The following LRRC37A2 variants were observed in gnomAD, a reference collection of about 807,000 sequenced individuals.
The protein encoded by LRRC37A2 is leucine rich repeat containing 37 member A2.
LRRC37A2 carries 9 observed loss-of-function variants against 68.8 expected under a neutral mutation model. The observed-to-expected ratio is 0.13, with a 90% CI of 0.08 to 0.23. The LOEUF (loss-of-function observed/expected upper bound fraction) is 0.23, where lower values mean the gene tolerates loss of function less well. Among genes scored for constraint, LRRC37A2 ranks in the 10% least tolerant of loss-of-function variants. LRRC37A2 has a pLI of 1.00. For synonymous variants in LRRC37A2, 63 were observed against 367.6 expected, an observed-to-expected ratio of 0.17 and a Z score of 9.48; for missense variants, 168 against 950.4, an observed-to-expected ratio of 0.18 and a Z score of 10.82.
At chr17:46,990,931 A>G in the LRRC37A2 span, among the ~76,000 whole-genome samples, 2 of 152,138 alleles carry the variant, frequency 1.3e-5, no homozygotes, top group South Asian at 2.1e-4. Context: ...TTGGCCTCCC[A>G]AAGTATTGGG....
the LRRC37A2 span, among the ~76,000 whole-genome samples, chr17:46,907,105 C>T: frequency 1.1e-4 from 17 of 152,310 alleles, no homozygotes; most frequent in Middle Eastern, 3.4e-3. Flanking sequence ...ACCGGGAGTA[C>T]GTATCCTAGA....
At chr17:46,938,831 G>A in the LRRC37A2 span, 1 of 1,609,246 alleles carries the variant, frequency 6.2e-7, no homozygotes, top group South Asian at 1.1e-5. Flanking sequence ...AAGAGAGAGG[G>A]GGGCCCAGAG....
the LRRC37A2 span, chr17:46,979,144 G>C: frequency 1.0e-6 from 1 of 957,848 alleles, no homozygotes; most frequent in East Asian, 3.4e-5. Flanking sequence ...GCGGGAGGCT[G>C]GCTGCCTGCG....
At chr17:46,920,639 G>A in the LRRC37A2 span, among the ~76,000 whole-genome samples, 4 of 152,156 alleles carry the variant, frequency 2.6e-5, no homozygotes, top group Non-Finnish European at 5.9e-5. Flanking sequence ...CCCAGTCCCA[G>A]CTCAAATGCC....
At chr17:46,944,114 A>G in the LRRC37A2 span, among the ~76,000 whole-genome samples, 2 of 152,104 alleles carry the variant, frequency 1.3e-5, no homozygotes, top group Non-Finnish European at 2.9e-5. Context: ...AAGTATTCCA[A>G]CCTCCTCAGA....
At chr17:46,489,780 G>C in the LRRC37A2 span, among the ~76,000 whole-genome samples, 1 of 150,074 alleles carries the variant, frequency 6.7e-6, no homozygotes, top group Non-Finnish European at 1.5e-5. Context: ...GAGCCACTGC[G>C]CCTGGCCTGT....
At chr17:46,704,853 C>A in the LRRC37A2 span, 1 of 1,596,994 alleles carries the variant, frequency 6.3e-7, no homozygotes, top group Middle Eastern at 1.7e-4. Flanking sequence ...GATATCAAAC[C>A]AGTGAGTATG....
At chr17:46,988,166 G>A in the LRRC37A2 span, among the ~76,000 whole-genome samples, 2 of 152,176 alleles carry the variant, frequency 1.3e-5, no homozygotes, top group African/African-American at 4.8e-5. Context: ...GAGCAAGACT[G>A]TCTCAAAAAA....
chr17:46,893,725 G>A, the LRRC37A2 span, among the ~76,000 whole-genome samples: 13 of 152,140 alleles, frequency 8.5e-5, no homozygotes, highest in Non-Finnish European at 1.9e-4. Context: ...CAAACTGGAA[G>A]GCTCTGGCTT....
chr17:46,828,247 A>C, the LRRC37A2 span, among the ~76,000 whole-genome samples: 306 of 151,746 alleles, frequency 2.0e-3, 1 homozygote, highest in Middle Eastern at 0.024. Context: ...CTCAGACTGG[A>C]GTGCAGCAGC....
At chr17:46,993,248 A>G in the LRRC37A2 span, among the ~76,000 whole-genome samples, 139,634 of 152,298 alleles carry the variant, frequency 0.92, 64,418 homozygotes, top group East Asian at 0.99. Context: ...CAGGTCACTC[A>G]TGTGTGCAGC....
the LRRC37A2 span, among the ~76,000 whole-genome samples, chr17:46,730,207 A>G: frequency 6.6e-6 from 1 of 152,206 alleles, no homozygotes; most frequent in Non-Finnish European, 1.5e-5. Flanking sequence ...ACATCTACAT[A>G]TATTATGCAC....
At chr17:46,894,154 A>G in the LRRC37A2 span, among the ~76,000 whole-genome samples, 4 of 152,340 alleles carry the variant, frequency 2.6e-5, no homozygotes, top group African/African-American at 9.6e-5. Flanking sequence ...TTGCGATGGT[A>G]TAACAAATTC....
chr17:46,697,153 CCAT>C, the LRRC37A2 span, among the ~76,000 whole-genome samples: 1 of 147,528 alleles, frequency 6.8e-6, no homozygotes. Context: ...TCAGAGTCTC[CCAT>C]AGTACCCCAG....
the LRRC37A2 span, among the ~76,000 whole-genome samples, chr17:46,733,961 G>A: frequency 9.2e-5 from 14 of 152,298 alleles, no homozygotes; most frequent in Admixed American, 6.5e-4. Flanking sequence ...CCTAAGGTGT[G>A]GACCAATAAG....
At chr17:46,666,151 A>G in the LRRC37A2 span, among the ~76,000 whole-genome samples, 1 of 148,218 alleles carries the variant, frequency 6.7e-6, no homozygotes, top group African/African-American at 2.5e-5. Context: ...TTTGGAAAAT[A>G]AATATACTTA....
At chr17:46,783,815 G>A in the LRRC37A2 span, among the ~76,000 whole-genome samples, 1 of 152,348 alleles carries the variant, frequency 6.6e-6, no homozygotes, top group East Asian at 1.9e-4. Context: ...GGGTCTAGGA[G>A]CCACACAGAG....
chr17:47,038,655 A>G, the LRRC37A2 span, among the ~76,000 whole-genome samples: 1 of 100,004 alleles, frequency 1.0e-5, no homozygotes, highest in Non-Finnish European at 2.1e-5. Flanking sequence ...ATGTTCATCA[A>G]CTAGATTTAT....
chr17:46,970,450 G>T, the LRRC37A2 span, among the ~76,000 whole-genome samples: 1 of 140,040 alleles, frequency 7.1e-6, no homozygotes, highest in Non-Finnish European at 1.5e-5. Context: ...TGAAGTAGGA[G>T]AATTGCTTGA....
Sources: allele counts gnomAD v4.1 joint callset (sites outside exome capture counted in the v4.1 genomes callset), GRCh38; gene constraint gnomAD v4.1.1; transcripts MANE v1.5; gene names NCBI Gene and HGNC (gene_info 2026-07-23, HGNC 2026-07-21).